FILIP1L: variants seen among roughly 807,000 people sequenced by gnomAD.
The protein encoded by FILIP1L is filamin A-interacting protein 1-like.
In FILIP1L, 55 loss-of-function variants were observed where a neutral mutation model predicts 96.6. That is an observed-to-expected ratio of 0.57 (90% CI 0.46 to 0.71). The LOEUF is 0.71. FILIP1L is among the 30% of genes least tolerant of loss of function. The probability of loss-of-function intolerance (pLI) is 0.00; values close to 1 mark genes in which losing one functional copy is unlikely to be tolerated. For missense variants in FILIP1L, 1,304 were observed against 1,321.2 expected, an observed-to-expected ratio of 0.99 and a Z score of 0.20; for synonymous variants, 467 against 473.9, an observed-to-expected ratio of 0.99 and a Z score of 0.19.
chr3:100,054,844 G>C lies in FILIP1L; in HGVS notation c.-11+59209C>G, dbSNP rs151225590. 2.4e-3 allele frequency among the ~76,000 whole-genome samples: 363 copies of C among 152,260 alleles called. 10 individuals are homozygous for C. Among genetic ancestry groups the C allele is most frequent in the Non-Finnish European group, 6.3e-4 (43 of 68,024 alleles). ...ATCACTGGTGTCACAGTTGAGTTCA[G>C]ATGCAAAAACTGAAATGTTCAGAAG... On this transcript the variant is annotated intron_variant, in intron 1 of 5. Coordinates refer to ENST00000477258, the MANE Select transcript of FILIP1L (RefSeq NM_001387850.1).
intron 4 of FILIP1L, among the ~76,000 whole-genome samples, chr3:99,868,335 T>C (rs890545141): frequency 1.4e-4 from 22 of 152,148 alleles, no homozygotes; most frequent in African/African-American, 4.3e-4. Flanking sequence ...CTTAATCCTT[T>C]ACTCCACTTC....
At position 99,829,544 on chromosome 3, in the gene FILIP1L, C is replaced by T. The variant is rs1942607108; in HGVS notation, c.*870G>A. 6.6e-6 allele frequency among the ~76,000 whole-genome samples: 1 copy of T among 152,200 alleles called. No homozygotes were observed. The highest frequency in any genetic ancestry group is 2.1e-4 in the South Asian group (1 of 4,832). On this transcript the variant is annotated 3_prime_UTR_variant, in exon 6 of 6. Transcript: ENST00000477258. The stretch of plus-strand genomic sequence containing the variant: ...CACTTTCCTGTTTTACATGTGGAAA[C>T]TCAAGGCTTAGATTGATGAATGCAA...
chr3:99,832,157 A>G (rs1178778668), intron 5 of FILIP1L, among the ~76,000 whole-genome samples: 3 of 151,804 alleles, frequency 2.0e-5, no homozygotes, highest in Non-Finnish European at 4.4e-5. Context: ...CATTTTCATT[A>G]CGTAGTTTTT....
intron 1 of FILIP1L, among the ~76,000 whole-genome samples, chr3:100,056,861 G>A (rs772395193): frequency 1.2e-4 from 19 of 152,094 alleles, no homozygotes; most frequent in Non-Finnish European, 1.8e-4. Context: ...AAAATTAGCC[G>A]GGTGTGATGG....
At chr3:99,883,960 A>C (rs1055890703) in intron 4 of FILIP1L, among the ~76,000 whole-genome samples, 1 of 152,202 alleles carries the variant, frequency 6.6e-6, no homozygotes, top group African/African-American at 2.4e-5. Context: ...GTTTTGTAGT[A>C]AGATTTGGAT....
rs530533873 is a variant in FILIP1L at position 100,097,685 on chromosome 3, G to T, written c.-11+16368C>A. On this transcript the variant is annotated intron_variant, in intron 1 of 5. Coordinates refer to ENST00000477258, the MANE Select transcript of FILIP1L (RefSeq NM_001387850.1). ...TCATGAATATTTTCTAAACTATTAGGTTATTTTCAGCACCATTAATAGACT... is the reference window on the plus strand; with the variant it reads ...TCATGAATATTTTCTAAACTATTAGTTTATTTTCAGCACCATTAATAGACT... Among the ~76,000 whole-genome samples, 69 of 152,210 alleles carry T rather than the reference G, an allele frequency of 4.5e-4. 1 individual carries two copies. The South Asian group carries it at 0.011, about 24-fold the overall frequency.
intron 1 of FILIP1L, among the ~76,000 whole-genome samples, chr3:99,961,819 A>G (rs1708501231): frequency 1.3e-5 from 2 of 152,052 alleles, no homozygotes; most frequent in African/African-American, 2.4e-5. Context: ...AGGTCTGCCA[A>G]CCTATTTTCT....
intron 1 of FILIP1L, among the ~76,000 whole-genome samples, chr3:99,992,732 C>A (rs139588553): frequency 6.6e-6 from 1 of 151,866 alleles, no homozygotes; most frequent in Non-Finnish European, 1.5e-5. Flanking sequence ...GTCATAAATT[C>A]TTTGCCTAGG....
chr3:99,986,531 A>G (rs1040247898), intron 1 of FILIP1L, among the ~76,000 whole-genome samples: 2 of 152,220 alleles, frequency 1.3e-5, no homozygotes, highest in African/African-American at 4.8e-5. Context: ...CAGGGCTTAT[A>G]TGAGGTTGGT....
chr3:99,990,963 G>T (rs574410079), intron 1 of FILIP1L, among the ~76,000 whole-genome samples: 11 of 152,078 alleles, frequency 7.2e-5, no homozygotes, highest in Non-Finnish European at 1.6e-4. Context: ...GGAAATAAAA[G>T]TCTCTGCCTT....
At chr3:99,838,703 T>C (rs1195957657) in intron 5 of FILIP1L, among the ~76,000 whole-genome samples, 1 of 152,162 alleles carries the variant, frequency 6.6e-6, no homozygotes, top group Non-Finnish European at 1.5e-5. Context: ...CACTCCTCAG[T>C]TTTGTGACAT....
At chr3:99,931,795 T>G (rs1351871749) in intron 1 of FILIP1L, among the ~76,000 whole-genome samples, 1 of 152,206 alleles carries the variant, frequency 6.6e-6, no homozygotes, top group East Asian at 1.9e-4. Context: ...ACACATTAGC[T>G]CCACATCTGA....
chr3:100,070,743 T>C (rs1368299265), intron 1 of FILIP1L, among the ~76,000 whole-genome samples: 1 of 152,120 alleles, frequency 6.6e-6, no homozygotes, highest in Non-Finnish European at 1.5e-5. Flanking sequence ...GCAGTTCTCC[T>C]GCCTCAGCCT....
At chr3:99,905,887 A>G (rs1176019948) in intron 4 of FILIP1L, among the ~76,000 whole-genome samples, 1 of 152,218 alleles carries the variant, frequency 6.6e-6, no homozygotes, top group African/African-American at 2.4e-5. Context: ...AACATTTGGT[A>G]ATATCTTTTT....
At chr3:100,104,895 A>G (rs987597354) in intron 1 of FILIP1L, among the ~76,000 whole-genome samples, 2 of 152,114 alleles carry the variant, frequency 1.3e-5, no homozygotes, top group Non-Finnish European at 2.9e-5. Flanking sequence ...CTTCACTTCC[A>G]TGTTTTTCTA....
chr3:99,840,000 T>A (rs1943059773), intron 5 of FILIP1L, among the ~76,000 whole-genome samples: 1 of 152,128 alleles, frequency 6.6e-6, no homozygotes, highest in Non-Finnish European at 1.5e-5. Context: ...CAGGGAATAT[T>A]TAGCCATGTC....
intron 1 of FILIP1L, among the ~76,000 whole-genome samples, chr3:100,047,207 G>A (rs1391948424): frequency 1.3e-5 from 2 of 152,146 alleles, no homozygotes; most frequent in Non-Finnish European, 2.9e-5. Flanking sequence ...AGTGAAACTA[G>A]TAAAAACTAT....
intron 4 of FILIP1L, among the ~76,000 whole-genome samples, chr3:99,852,592 C>A (rs907476781): frequency 2.0e-5 from 3 of 151,948 alleles, no homozygotes; most frequent in Admixed American, 6.6e-5. Context: ...ATTATAGGCA[C>A]GCACCACCAC....
At chr3:99,929,521 T>C (rs1381802229) in intron 3 of FILIP1L, among the ~76,000 whole-genome samples, 1 of 150,012 alleles carries the variant, frequency 6.7e-6, no homozygotes, top group African/African-American at 2.5e-5. Context: ...AGAGTGTGTG[T>C]GTGTGTGTGT....
Sources: allele counts gnomAD v4.1 joint callset (sites outside exome capture counted in the v4.1 genomes callset), GRCh38; gene constraint gnomAD v4.1.1; transcripts MANE v1.5; gene names NCBI Gene and HGNC (gene_info 2026-07-23, HGNC 2026-07-21).